PRR33: variants seen among roughly 807,000 people sequenced by gnomAD.
PRR33 encodes proline-rich protein 33.
PRR33 carries 1 observed loss-of-function variant against 0.5 expected under a neutral mutation model. That is an observed-to-expected ratio of 2.18 (90% CI 0.77 to 10.34). PRR33 has a LOEUF of 10.34. PRR33 is among the 30% of genes most tolerant of loss of function. PRR33 has a pLI of 0.13. For missense variants in PRR33, 552 were observed against 251.8 expected, an observed-to-expected ratio of 2.19 and a Z score of -8.07; for synonymous variants, 226 against 110.0, an observed-to-expected ratio of 2.06 and a Z score of -6.60.
At chr11:1,896,682 C>T (rs750401179), upstream of PRR33, among the ~76,000 whole-genome samples, 5 of 152,116 alleles carry the variant, frequency 3.3e-5, no homozygotes, top group Non-Finnish European at 7.4e-5. Flanking sequence ...CAATGTTGGA[C>T]GGAGGTGATG....
At chr11:1,904,535 G>GA in the PRR33 span, among the ~76,000 whole-genome samples, 83 of 142,004 alleles carry the variant, frequency 5.8e-4, 1 homozygote, top group East Asian at 0.013. Context: ...TCTCAAAAAA[G>GA]AAAAAAAAAA....
chr11:1,906,454 CT>C, the PRR33 span, among the ~76,000 whole-genome samples: 1 of 151,984 alleles, frequency 6.6e-6, no homozygotes, highest in African/African-American at 2.4e-5. Context: ...GCTTCTTTGT[CT>C]TTTTGATAAT....
At chr11:1,910,752 T>C in the PRR33 span, among the ~76,000 whole-genome samples, 1 of 152,230 alleles carries the variant, frequency 6.6e-6, no homozygotes, top group Non-Finnish European at 1.5e-5. Context: ...GAGCTGGTGT[T>C]CTGCAGAAAT....
chr11:1,892,522 G>C (rs1218316772), upstream of PRR33, among the ~76,000 whole-genome samples: 4 of 152,236 alleles, frequency 2.6e-5, no homozygotes, highest in African/African-American at 9.6e-5. Context: ...ACCAGGACTA[G>C]CCCAATATAA....
the PRR33 span, among the ~76,000 whole-genome samples, chr11:1,914,734 G>GTT: frequency 6.7e-6 from 1 of 149,502 alleles, no homozygotes; most frequent in African/African-American, 2.5e-5. Context: ...CTGTGTGTGT[G>GTT]TTGTGGGGTC....
chr11:1,902,189 G>A, the PRR33 span, among the ~76,000 whole-genome samples: 15 of 149,468 alleles, frequency 1.0e-4, no homozygotes, highest in Admixed American at 2.7e-4. Flanking sequence ...CAGAGATCGC[G>A]CCACTGCACT....
At chr11:1,907,025 A>T in the PRR33 span, among the ~76,000 whole-genome samples, 1 of 152,230 alleles carries the variant, frequency 6.6e-6, no homozygotes, top group African/African-American at 2.4e-5. Context: ...ATGGGCAGCG[A>T]GAGGCCCCTG....
At chr11:1,906,714 G>A in the PRR33 span, among the ~76,000 whole-genome samples, 6 of 152,214 alleles carry the variant, frequency 3.9e-5, no homozygotes, top group Middle Eastern at 3.2e-3. Flanking sequence ...TTTCTGCTGA[G>A]GCTGGTGGGA....
At chr11:1,908,242 A>C in the PRR33 span, among the ~76,000 whole-genome samples, 2 of 152,076 alleles carry the variant, frequency 1.3e-5, no homozygotes, top group African/African-American at 4.8e-5. Context: ...GATGTTCCAA[A>C]TGTTCTTGGC....
chr11:1,908,758 T>C, the PRR33 span, among the ~76,000 whole-genome samples: 1 of 152,242 alleles, frequency 6.6e-6, no homozygotes, highest in African/African-American at 2.4e-5. Context: ...CCAGAACTTA[T>C]ACGTCTCATT....
chr11:1,915,766 G>C, the PRR33 span, among the ~76,000 whole-genome samples: 1 of 90,498 alleles, frequency 1.1e-5, no homozygotes, highest in Non-Finnish European at 2.3e-5. Context: ...GGGAGGGATG[G>C]ATGGATGAAG....
the PRR33 span, among the ~76,000 whole-genome samples, chr11:1,903,850 G>A: frequency 5.3e-5 from 8 of 152,168 alleles, no homozygotes; most frequent in Non-Finnish European, 1.2e-4. Context: ...GAACATCCTT[G>A]TGAATGTCCA....
At chr11:1,915,224 G>A in the PRR33 span, among the ~76,000 whole-genome samples, 1 of 148,566 alleles carries the variant, frequency 6.7e-6, no homozygotes, top group East Asian at 2.0e-4. Flanking sequence ...CTTGTGGGGT[G>A]TACACACTTA....
At chr11:1,896,198 A>G (rs571243661), upstream of PRR33, among the ~76,000 whole-genome samples, 13 of 152,192 alleles carry the variant, frequency 8.5e-5, no homozygotes, top group South Asian at 1.7e-3. Context: ...CTGCTTTTCC[A>G]TATGTGTTTT....
exon 1 of PRR33, chr11:1,890,681 G>T: frequency 1.6e-6 from 1 of 630,720 alleles, no homozygotes; most frequent in South Asian, 1.8e-5. Context: ...GAGGACCTGG[G>T]GCCAGGGGTG....
the PRR33 span, among the ~76,000 whole-genome samples, chr11:1,911,443 A>G: frequency 1.2e-4 from 19 of 152,262 alleles, 1 homozygote; most frequent in South Asian, 3.9e-3. Context: ...CTCTGTATCA[A>G]ATTAAAATAA....
the PRR33 span, among the ~76,000 whole-genome samples, chr11:1,912,731 A>G: frequency 6.6e-6 from 1 of 152,144 alleles, no homozygotes; most frequent in African/African-American, 2.4e-5. Flanking sequence ...CAGCTTCCCA[A>G]GGAGCTGGGA....
At chr11:1,915,839 T>A in the PRR33 span, among the ~76,000 whole-genome samples, 1 of 148,108 alleles carries the variant, frequency 6.8e-6, no homozygotes, top group Admixed American at 6.7e-5. Context: ...GATGGATAGA[T>A]GAAGAGATGG....
the PRR33 span, among the ~76,000 whole-genome samples, chr11:1,910,938 C>T: frequency 2.0e-5 from 3 of 152,220 alleles, no homozygotes; most frequent in African/African-American, 7.2e-5. Context: ...TAATGGTGTC[C>T]TACCTTCTTT....
Sources: gnomAD v4.1 joint callset for allele counts (sites outside exome capture counted in the v4.1 genomes callset) on GRCh38, gnomAD v4.1.1 for gene constraint, MANE v1.5 for transcripts, NCBI Gene and HGNC (gene_info 2026-07-23, HGNC 2026-07-21) for gene names.